Variants in SNTB2 observed in about 807,000 individuals in gnomAD.
SNTB2 encodes the protein syntrophin beta 2.
Under a neutral mutation model 46.2 loss-of-function variants are expected in SNTB2, and 34 were observed. The ratio of observed to expected loss-of-function variants is 0.74; its 90% CI spans 0.56 to 0.98. SNTB2 has a LOEUF of 0.98. SNTB2 is among the 50% of genes least tolerant of loss of function. The pLI is 0.00. For missense variants in SNTB2, 603 were observed against 731.4 expected (o/e 0.82, Z 2.02); for synonymous variants, 290 against 312.6 (o/e 0.93, Z 0.76).
intron 1 of SNTB2, among the ~76,000 whole-genome samples, chr16:69,218,496 ACTGCAAGCT>A (rs903865596): frequency 6.7e-6 from 1 of 150,024 alleles, no homozygotes; most frequent in African/African-American, 2.5e-5. Context: ...ATCTCGGCTC[ACTGCAAGCT>A]CTGCCTCCCA....
chr16:69,226,164 T>C (rs1428449977), intron 1 of SNTB2, among the ~76,000 whole-genome samples: 1 of 152,100 alleles, frequency 6.6e-6, no homozygotes, highest in African/African-American at 2.4e-5. Flanking sequence ...CTCTGCTTCC[T>C]GGGTTAAAGC....
chr16:69,240,271 GA>G (rs1964598325), intron 1 of SNTB2, among the ~76,000 whole-genome samples: 1 of 152,188 alleles, frequency 6.6e-6, no homozygotes, highest in Non-Finnish European at 1.5e-5. Context: ...ATTTTAGAAT[GA>G]AGAGGAAGAG....
At chr16:69,235,704 AG>A (rs1464609973) in intron 1 of SNTB2, 1 of 1,283,872 alleles carries the variant, frequency 7.8e-7, no homozygotes, top group Non-Finnish European at 1.0e-6. Flanking sequence ...CTGTATCCCC[AG>A]GGCTAACAAC....
chr16:69,281,549 T>C (rs999812694), intron 4 of SNTB2, among the ~76,000 whole-genome samples: 8 of 151,726 alleles, frequency 5.3e-5, no homozygotes, highest in Admixed American at 1.3e-4. Context: ...CGGCATTTGT[T>C]GAAAAGACAG....
intron 3 of SNTB2, among the ~76,000 whole-genome samples, chr16:69,268,474 A>G (rs1349267087): frequency 6.6e-6 from 1 of 151,570 alleles, no homozygotes; most frequent in Non-Finnish European, 1.5e-5. Flanking sequence ...AAAACACAAT[A>G]ATAATAATAA....
Position 69,308,141 on chromosome 16 carries a change from G to C in SNTB2, c.*7217G>C, listed in dbSNP as rs185047795. The C allele has an allele frequency of 1.8e-4, 27 of 152,710 alleles. No individual in the cohort carries two copies. In the East Asian group the frequency reaches 4.4e-3, roughly 25 times the overall value. The allele number at this position is 152,710 out of a possible 1,614,324, so 9.5% of individuals were successfully genotyped here. A position where few individuals can be genotyped will look rare whatever the true frequency, so the allele number is the denominator to read the frequency against. On this transcript the variant is annotated 3_prime_UTR_variant, in exon 7 of 7. Coordinates refer to ENST00000336278, the MANE Select transcript of SNTB2 (RefSeq NM_006750.4). ...AATTAGGTCATGCCTTCAGTGTCTT[G>C]TTCTTTAAACCTACCCTTTGACAAT...
intron 1 of SNTB2, chr16:69,231,141 TA>T (rs1263328842): frequency 1.3e-5 from 2 of 152,222 alleles, no homozygotes; most frequent in African/African-American, 4.8e-5. Flanking sequence ...ATATAGAGTC[TA>T]AACTTTTTTA....
At chr16:69,273,925 G>A (rs1381257269) in intron 4 of SNTB2, among the ~76,000 whole-genome samples, 2 of 152,158 alleles carry the variant, frequency 1.3e-5, no homozygotes, top group Admixed American at 1.3e-4. Context: ...CTAGAATGGT[G>A]CCTGACACAT....
intron 5 of SNTB2, among the ~76,000 whole-genome samples, chr16:69,292,418 T>TATTATATA (rs1491478685): frequency 7.0e-5 from 1 of 14,252 alleles, no homozygotes; most frequent in African/African-American, 7.5e-4. Flanking sequence ...TATATATATA[T>TATTATATA]TATATATATA....
chr16:69,266,182 T>C (rs961144110), intron 3 of SNTB2, among the ~76,000 whole-genome samples: 2 of 152,122 alleles, frequency 1.3e-5, no homozygotes, highest in Non-Finnish European at 2.9e-5. Context: ...CTGGCCAACA[T>C]GGCTAAACCC....
At chr16:69,198,201 C>T (rs962690404) in intron 1 of SNTB2, among the ~76,000 whole-genome samples, 1 of 151,200 alleles carries the variant, frequency 6.6e-6, no homozygotes, top group Non-Finnish European at 1.5e-5. Context: ...CTCCACCTCG[C>T]GGGTTCAAGC....
intron 5 of SNTB2, among the ~76,000 whole-genome samples, chr16:69,284,477 A>G (rs1262120299): frequency 2.7e-5 from 4 of 148,684 alleles, no homozygotes; most frequent in African/African-American, 9.9e-5. Context: ...AAAAAAAAAA[A>G]AAAAAAAAAA....
chr16:69,293,811 G>A (rs1429369258), intron 5 of SNTB2, among the ~76,000 whole-genome samples: 1 of 152,202 alleles, frequency 6.6e-6, no homozygotes, highest in African/African-American at 2.4e-5. Flanking sequence ...AGGCACAGGT[G>A]AGGGGATTGG....
intron 1 of SNTB2, among the ~76,000 whole-genome samples, chr16:69,224,210 A>T (rs1307904358): frequency 2.3e-5 from 3 of 127,752 alleles, no homozygotes; most frequent in Admixed American, 1.8e-4. Flanking sequence ...TTCCTTTGCA[A>T]TTTTTTTTTT....
chr16:69,295,572 T>C lies in SNTB2; in HGVS notation c.1346-4018T>C, dbSNP rs374085376. ...CAACATACTGAATTTTTTACTGACTTATCTATAAATTGGAGTGCATAGTGG... is the reference window on the plus strand; with the variant it reads ...CAACATACTGAATTTTTTACTGACTCATCTATAAATTGGAGTGCATAGTGG... On this transcript the variant is annotated intron_variant, in intron 5 of 6. Coordinates refer to ENST00000336278, the MANE Select transcript of SNTB2 (RefSeq NM_006750.4). 1.5e-4 allele frequency among the ~76,000 whole-genome samples: 23 copies of C among 152,104 alleles called. No homozygotes were observed. The East Asian group carries it at 3.9e-3, about 26-fold the overall frequency.
intron 2 of SNTB2, among the ~76,000 whole-genome samples, chr16:69,250,534 C>T (rs1270717324): frequency 6.6e-6 from 1 of 152,208 alleles, no homozygotes; most frequent in East Asian, 1.9e-4. Context: ...TTTCTCTGTC[C>T]TCCTGTTTTC....
chr16:69,188,506 C>T (rs72789253), intron 1 of SNTB2, among the ~76,000 whole-genome samples: 419 of 152,264 alleles, frequency 2.8e-3, no homozygotes, highest in Non-Finnish European at 4.6e-3. Flanking sequence ...TTATTCTTTA[C>T]GTTAAGTTAT....
intron 1 of SNTB2, among the ~76,000 whole-genome samples, chr16:69,234,178 CA>C (rs1271101064): frequency 6.6e-6 from 1 of 152,130 alleles, no homozygotes; most frequent in Non-Finnish European, 1.5e-5. Context: ...AAAAAAGTTA[CA>C]AAAATTAGCT....
Position 69,260,079 on chromosome 16 carries a change from G to A in SNTB2, c.824G>A (p.Arg275Lys). 1 of 1,613,608 alleles carries A rather than the reference G, an allele frequency of 6.2e-7. No homozygotes were observed. Reference protein sequence around the residue: ...RLIELHSPDSRNTLILRCKDT... With the variant: ...RLIELHSPDSKNTLILRCKDT... ...ATAGAGCTACATTCTCCTGATAGCA[G>A]GAACACGTTGATCCTACGCTGCAAA... Residue 275 changes from arginine to lysine, a missense_variant, in exon 3 of 7, where the codon AGG (arginine) becomes AAG (lysine). Arg to Lys is a conservative substitution (Grantham distance 26, BLOSUM62 2). Coordinates refer to ENST00000336278, the MANE Select transcript of SNTB2 (RefSeq NM_006750.4).
Sources: gnomAD v4.1 joint callset for allele counts (sites outside exome capture counted in the v4.1 genomes callset) on GRCh38, gnomAD v4.1.1 for gene constraint, MANE v1.5 for transcripts, NCBI Gene and HGNC (gene_info 2026-07-23, HGNC 2026-07-21) for gene names.